Variants in RAPGEF1 observed in about 807,000 individuals in gnomAD.
RAPGEF1 encodes Rap guanine nucleotide exchange factor 1, also known as CRK SH3-binding GNRP.
Under a neutral mutation model 143.3 loss-of-function variants are expected in RAPGEF1, and 33 were observed. The ratio of observed to expected loss-of-function variants is 0.23; its 90% confidence interval spans 0.17 to 0.31. The LOEUF (loss-of-function observed/expected upper bound fraction) is 0.31, where lower values mean the gene tolerates loss of function less well. Ranked by LOEUF, RAPGEF1 falls within the 10% of genes least tolerant of loss-of-function variation. The pLI, the probability that RAPGEF1 is intolerant of heterozygous loss-of-function variation, is 1.00. For missense variants in RAPGEF1, 1,199 were observed against 1,645.4 expected (o/e 0.73, Z 4.69); for synonymous variants, 629 against 676.5 (o/e 0.93, Z 1.09).
chr9:131,732,430 ATGCACTCAAGTGGAAGCTCAAAGAACG>A (rs1326220951), intron 1 of RAPGEF1, among the ~76,000 whole-genome samples: 9 of 152,206 alleles, frequency 5.9e-5, no homozygotes, highest in East Asian at 3.9e-4. Flanking sequence ...CTCAAAGAAC[ATGCACTCAAGTGGAAGCTCAAAGAACG>A]TGCACTCAAG....
chr9:131,643,514 G>A, intron 3 of RAPGEF1, 97 bp from the exon 4 acceptor site: 13 of 1,202,506 alleles, frequency 1.1e-5, no homozygotes, highest in South Asian at 6.4e-5. Context: ...GCTTGAGATC[G>A]ATAGGAATGG....
intron 10 of RAPGEF1, among the ~76,000 whole-genome samples, chr9:131,622,255 G>C (rs890966000): frequency 1.3e-5 from 2 of 152,148 alleles, no homozygotes; most frequent in African/African-American, 4.8e-5. Context: ...CTCAAGCGAG[G>C]GCACATGGCG....
In RAPGEF1 at chr9:131,587,815, G is replaced by T; in HGVS notation, c.3154C>A (p.Leu1052Ile). The change falls in exon 22 of 27, where the codon CTT becomes ATT. Residue 1052 changes from leucine (L) to isoleucine (I), a missense_variant. By Grantham distance (5) the Leu-to-Ile change is conservative. Around this residue, in one of 6 missense-constraint regions of RAPGEF1, gnomAD observed 209 missense variants for 403.0 expected, o/e 0.52. Coordinates refer to ENST00000683357, the MANE Select transcript of RAPGEF1 (RefSeq NM_001377935.1). ...TCCTCATTCTGCTCTTTTGCCCAAA[G>T]CAAAACCTCAGGAATCTACAAAAGG... ...FYKIEIPEVL[L>I]WAKEQNEEKS... The T allele has an allele frequency of 1.2e-6, 2 of 1,613,704 alleles. No homozygotes were observed. The highest frequency in any genetic ancestry group is 1.7e-6 in the Non-Finnish European group (2 of 1,179,760).
intron 1 of RAPGEF1, among the ~76,000 whole-genome samples, chr9:131,732,914 CT>C (rs1837173673): frequency 6.6e-6 from 1 of 152,180 alleles, no homozygotes; most frequent in Non-Finnish European, 1.5e-5. Context: ...GATTTTTTAA[CT>C]TGCAGAAAGG....
At position 131,628,023 on chromosome 9, in the gene RAPGEF1, C is replaced by T. The variant is rs367625883; in HGVS notation, c.1091G>A (p.Arg364His). Residue 364 changes from arginine (R) to histidine (H), a missense_variant, in exon 9 of 27, where the codon CGC becomes CAC. Transcript: ENST00000683357. The surrounding 1 kb of genome is among the most constrained non-coding windows in gnomAD (Gnocchi z 5.7). The stretch of plus-strand genomic sequence containing the variant: ...GCCTATGCTGCTGCAGGGGGAGAGG[C>T]GGGGCGACTCTCCACCATATGAGTG... ...GSHSYGGESP[R>H]LSPCSSIGKL... 47 of 1,565,586 alleles carry T rather than the reference C, an allele frequency of 3.0e-5. No individual in the cohort carries two copies. In the East Asian group the frequency reaches 8.1e-4, roughly 27 times the overall value.
At chr9:131,592,935 G>T (rs1954592772) in intron 17 of RAPGEF1, among the ~76,000 whole-genome samples, 1 of 152,106 alleles carries the variant, frequency 6.6e-6, no homozygotes, top group Non-Finnish European at 1.5e-5. Flanking sequence ...TACAGACAAG[G>T]TTTCACCATG....
intron 10 of RAPGEF1, among the ~76,000 whole-genome samples, chr9:131,624,695 CA>C (rs1962398479): frequency 6.6e-6 from 1 of 152,250 alleles, no homozygotes; most frequent in Non-Finnish European, 1.5e-5. Context: ...GCTCTTTAAA[CA>C]CTTGTCCATG....
At chr9:131,598,477 G>A (rs1440662202) in intron 15 of RAPGEF1, 167 bp from the exon 16 acceptor site, 14 of 703,902 alleles carry the variant, frequency 2.0e-5, no homozygotes, top group Non-Finnish European at 3.4e-5. Flanking sequence ...GCTACTGACT[G>A]GCTGTGTGGC....
intron 1 of RAPGEF1, among the ~76,000 whole-genome samples, chr9:131,718,804 G>A (rs1170127078): frequency 6.6e-6 from 1 of 152,130 alleles, no homozygotes; most frequent in Non-Finnish European, 1.5e-5. Context: ...CATTTGAGAA[G>A]GACCAGTGTT....
At chr9:131,729,918 G>T (rs1324059308) in intron 1 of RAPGEF1, among the ~76,000 whole-genome samples, 1 of 152,146 alleles carries the variant, frequency 6.6e-6, no homozygotes, top group Non-Finnish European at 1.5e-5. Context: ...AAATTGGCTG[G>T]GCGCAGTGGC....
intron 22 of RAPGEF1, among the ~76,000 whole-genome samples, chr9:131,586,883 G>A (rs866405282): frequency 5.2e-5 from 3 of 57,418 alleles, no homozygotes; most frequent in East Asian, 4.9e-4. Context: ...GCGAGACTCC[G>A]TCTCAAACAC....
intron 1 of RAPGEF1, among the ~76,000 whole-genome samples, chr9:131,684,584 A>C (rs1833178684): frequency 6.6e-6 from 1 of 152,244 alleles, no homozygotes; most frequent in Admixed American, 6.5e-5. Flanking sequence ...AGCATTATTA[A>C]CTTTAAATTT....
intron 1 of RAPGEF1, among the ~76,000 whole-genome samples, chr9:131,656,148 G>T (rs1174266524): frequency 6.6e-6 from 1 of 152,148 alleles, no homozygotes; most frequent in Non-Finnish European, 1.5e-5. Flanking sequence ...GATAGATACC[G>T]AATTCTTATT....
chr9:131,676,591 C>T (rs1039713712), intron 1 of RAPGEF1, among the ~76,000 whole-genome samples: 3 of 152,196 alleles, frequency 2.0e-5, no homozygotes, highest in African/African-American at 7.2e-5. Context: ...TGTTCTGTTC[C>T]AAGGTTGTCA....
At chr9:131,736,072 C>T (rs1434757250) in intron 1 of RAPGEF1, among the ~76,000 whole-genome samples, 1 of 152,190 alleles carries the variant, frequency 6.6e-6, no homozygotes, top group African/African-American at 2.4e-5. Flanking sequence ...ACAGTAACTG[C>T]TTGCACAACC....
At chr9:131,603,074 G>T (rs1956533310) in intron 14 of RAPGEF1, among the ~76,000 whole-genome samples, 1 of 152,210 alleles carries the variant, frequency 6.6e-6, no homozygotes, top group Non-Finnish European at 1.5e-5. Context: ...AATCCCACTG[G>T]AGTGGACACT....
intron 12 of RAPGEF1, among the ~76,000 whole-genome samples, chr9:131,615,941 T>C (rs929763143): frequency 2.0e-5 from 3 of 152,106 alleles, no homozygotes; most frequent in African/African-American, 7.2e-5. Context: ...ACATACAAGG[T>C]ATCTTAAGAC....
Position 131,588,800 on chromosome 9 carries a change from C to T in RAPGEF1, c.3053+1G>A. The T allele has an allele frequency of 6.2e-7, 1 of 1,610,314 alleles. No homozygotes were observed. Among genetic ancestry groups the T allele is most frequent in the Non-Finnish European group, 8.5e-7 (1 of 1,178,206 alleles). On this transcript the variant is annotated splice_donor_variant, in intron 20 of 26. Coordinates refer to ENST00000683357, the MANE Select transcript of RAPGEF1 (RefSeq NM_001377935.1). LOFTEE classifies it high-confidence loss of function. ...CAGGGCTGGAGAGGTGGGCTTCTCA[C>T]CTGGCTGCTACCCCCCGGGCTGCCA...
intron 10 of RAPGEF1, among the ~76,000 whole-genome samples, chr9:131,625,123 G>A (rs1962555755): frequency 6.6e-6 from 1 of 152,168 alleles, no homozygotes; most frequent in South Asian, 2.1e-4. Context: ...TGAGGCCAGG[G>A]AAGCCTGGGG....
Sources: allele counts gnomAD v4.1 joint callset (sites outside exome capture counted in the v4.1 genomes callset), GRCh38; gene constraint gnomAD v4.1.1; regional missense constraint gnomAD v4.1.1; non-coding constraint Gnocchi (gnomAD v3.1); transcripts MANE v1.5; gene names NCBI Gene and HGNC (gene_info 2026-07-23, HGNC 2026-07-21).